SLC24A2: variants seen among roughly 807,000 people sequenced by gnomAD.
SLC24A2 encodes sodium/potassium/calcium exchanger 2.
A neutral mutation model predicts 62.0 loss-of-function variants in SLC24A2; 36 were observed. That is an observed-to-expected ratio of 0.58 (90% CI 0.44 to 0.77). SLC24A2 has a LOEUF of 0.77. Among genes scored for constraint, SLC24A2 ranks in the 30% least tolerant of loss-of-function variants. SLC24A2 has a pLI of 0.00. For synonymous variants in SLC24A2, 358 were observed against 294.0 expected (o/e 1.22, Z -2.23); for missense variants, 846 against 817.9 (o/e 1.03, Z -0.42).
intron 7 of SLC24A2, among the ~76,000 whole-genome samples, chr9:19,566,715 G>A (rs1355568470): frequency 3.3e-5 from 5 of 152,092 alleles, no homozygotes; most frequent in African/African-American, 1.2e-4. Context: ...CAACCCAAAT[G>A]TCCACCAACA....
At chr9:20,172,215 G>C in the SLC24A2 span, among the ~76,000 whole-genome samples, 1 of 152,062 alleles carries the variant, frequency 6.6e-6, no homozygotes, top group Non-Finnish European at 1.5e-5. Context: ...AGTGCTAAGA[G>C]GAAAGTTCAT....
At chr9:20,171,589 C>G in the SLC24A2 span, among the ~76,000 whole-genome samples, 1 of 151,918 alleles carries the variant, frequency 6.6e-6, no homozygotes, top group Non-Finnish European at 1.5e-5. Flanking sequence ...ACAAAACAAA[C>G]TTTAAAGCAA....
chr9:20,151,058 C>A, the SLC24A2 span, among the ~76,000 whole-genome samples: 1 of 151,890 alleles, frequency 6.6e-6, no homozygotes, highest in Non-Finnish European at 1.5e-5. Context: ...TTTCCATAAG[C>A]TATGAAATGC....
chr9:19,690,311 C>A (rs1049139574), intron 2 of SLC24A2, among the ~76,000 whole-genome samples: 2 of 152,064 alleles, frequency 1.3e-5, no homozygotes, highest in Non-Finnish European at 2.9e-5. Flanking sequence ...TGGATCCCAC[C>A]CTCGGCTTCA....
chr9:19,685,064 G>C (rs905040292), intron 2 of SLC24A2, among the ~76,000 whole-genome samples: 1 of 152,004 alleles, frequency 6.6e-6, no homozygotes, highest in African/African-American at 2.4e-5. Context: ...CATGCTAACT[G>C]ACTGCGCCAC....
the SLC24A2 span, among the ~76,000 whole-genome samples, chr9:19,914,783 G>T: frequency 1.3e-5 from 2 of 151,966 alleles, no homozygotes; most frequent in Admixed American, 1.3e-4. Flanking sequence ...TGAGAAAATG[G>T]GCTCAAGACA....
At chr9:20,243,786 A>G in the SLC24A2 span, among the ~76,000 whole-genome samples, 1 of 152,278 alleles carries the variant, frequency 6.6e-6, no homozygotes, top group Admixed American at 6.5e-5. Flanking sequence ...GGGGTGTTTG[A>G]CTGCCTTCCA....
In SLC24A2 at chr9:19,515,541, G is replaced by C. The variant is rs1386861592; in HGVS notation, c.*612C>G. On this transcript the variant is annotated 3_prime_UTR_variant, in exon 11 of 11. Transcript: ENST00000341998. ...AAGGTAGGCTGAAGGTCACAGCAAT[G>C]CTACCTTTGTCTTGTTGGTTCCATT... 1 of 152,160 alleles carries C rather than the reference G, an allele frequency of 6.6e-6. No homozygotes were observed. The highest frequency in any genetic ancestry group is 6.6e-5 in the Admixed American group (1 of 15,262). The allele number at this position is 152,160 out of a possible 1,614,324, so 9.4% of individuals were successfully genotyped here.
chr9:19,610,350 T>G (rs1274201366), intron 4 of SLC24A2, among the ~76,000 whole-genome samples: 2 of 152,192 alleles, frequency 1.3e-5, no homozygotes, highest in African/African-American at 4.8e-5. Flanking sequence ...GGTGTTTGAT[T>G]TTGTAAAAGG....
chr9:20,282,297 T>C, the SLC24A2 span, among the ~76,000 whole-genome samples: 3 of 152,142 alleles, frequency 2.0e-5, no homozygotes, highest in Non-Finnish European at 4.4e-5. Flanking sequence ...AATTCCATGG[T>C]TTGTGTAAAA....
the SLC24A2 span, among the ~76,000 whole-genome samples, chr9:19,962,041 C>G: frequency 1.3e-5 from 2 of 152,216 alleles, no homozygotes; most frequent in Non-Finnish European, 2.9e-5. Flanking sequence ...TAATAGATAG[C>G]TAATATATCA....
At position 19,513,104 on chromosome 9, in the gene SLC24A2, G is replaced by A. The variant is rs1327145663; in HGVS notation, c.*3049C>T. The A allele has an allele frequency of 1.4e-5, 2 of 144,300 alleles. No homozygotes were observed. The highest frequency in any genetic ancestry group is 3.0e-5 in the Non-Finnish European group (2 of 67,136). The allele number at this position is 144,300 out of a possible 1,614,324, so 8.9% of individuals were successfully genotyped here. ...AATCCTGAATGTGATAGGGTCAGAG[G>A]GTGATGATGTAAGTCATATTATATG... On this transcript the variant is annotated 3_prime_UTR_variant, in exon 11 of 11. Transcript: ENST00000341998.
chr9:19,935,844 A>C, the SLC24A2 span, among the ~76,000 whole-genome samples: 1 of 152,190 alleles, frequency 6.6e-6, no homozygotes, highest in Non-Finnish European at 1.5e-5. Context: ...CACTGACTGA[A>C]GTCAACCCAA....
the SLC24A2 span, among the ~76,000 whole-genome samples, chr9:20,062,648 C>A: frequency 7.2e-6 from 1 of 138,122 alleles, no homozygotes; most frequent in East Asian, 2.3e-4. Context: ...AATGGGATCT[C>A]ATTAAACTAA....
chr9:19,596,984 G>C (rs1431539301), intron 5 of SLC24A2, among the ~76,000 whole-genome samples: 2 of 152,198 alleles, frequency 1.3e-5, no homozygotes, highest in African/African-American at 4.8e-5. Context: ...ATTTCTCTGA[G>C]TGTGTTACAT....
At chr9:19,999,323 G>C in the SLC24A2 span, among the ~76,000 whole-genome samples, 2 of 152,166 alleles carry the variant, frequency 1.3e-5, no homozygotes, top group African/African-American at 4.8e-5. Flanking sequence ...CCAGTTAATT[G>C]GGTGTCCTTG....
chr9:19,971,893 TTTC>T, the SLC24A2 span, among the ~76,000 whole-genome samples: 2 of 152,304 alleles, frequency 1.3e-5, no homozygotes, highest in Admixed American at 1.3e-4. Flanking sequence ...AGGCAGGCAT[TTTC>T]TTTCCCTCAT....
intron 3 of SLC24A2, among the ~76,000 whole-genome samples, chr9:19,622,038 A>G (rs1817920072): frequency 6.6e-6 from 1 of 152,354 alleles, no homozygotes; most frequent in African/African-American, 2.4e-5. Flanking sequence ...GAGAAAATTC[A>G]AACTTTTGAA....
chr9:19,692,519 T>C (rs146529243), intron 2 of SLC24A2, among the ~76,000 whole-genome samples: 7 of 152,274 alleles, frequency 4.6e-5, no homozygotes, highest in African/African-American at 1.7e-4. Context: ...GTGGATAAAA[T>C]ATGCCAGCAG....
Sources: allele counts gnomAD v4.1 joint callset (sites outside exome capture counted in the v4.1 genomes callset), GRCh38; gene constraint gnomAD v4.1.1; transcripts MANE v1.5; gene names NCBI Gene and HGNC (gene_info 2026-07-23, HGNC 2026-07-21).